FOXN3: variants seen among roughly 807,000 people sequenced by gnomAD.
FOXN3 encodes forkhead box protein N3.
FOXN3 carries 7 observed loss-of-function variants against 38.4 expected under a neutral mutation model. That is an observed-to-expected ratio of 0.18 (90% CI 0.10 to 0.34). FOXN3 has a LOEUF of 0.34. Ranked by LOEUF, FOXN3 falls within the 10% of genes least tolerant of loss-of-function variation. The pLI is 1.00. For synonymous variants in FOXN3, 230 were observed against 242.2 expected (o/e 0.95, Z 0.47); for missense variants, 456 against 613.4 (o/e 0.74, Z 2.71).
At chr14:89,529,051 G>C (rs1472938577) in intron 1 of FOXN3, among the ~76,000 whole-genome samples, 1 of 152,112 alleles carries the variant, frequency 6.6e-6, no homozygotes, top group Non-Finnish European at 1.5e-5. Context: ...GATATGTTAA[G>C]ACATGCTTCC....
intron 2 of FOXN3, among the ~76,000 whole-genome samples, chr14:89,394,248 A>C (rs1596249152): frequency 2.7e-5 from 3 of 111,290 alleles, no homozygotes; most frequent in Non-Finnish European, 5.1e-5. Context: ...ATGGAGTTTC[A>C]CTCTTGTTGC....
chr14:89,211,633 C>T (rs2139831795), intron 4 of FOXN3, among the ~76,000 whole-genome samples: 1 of 152,312 alleles, frequency 6.6e-6, no homozygotes, highest in Non-Finnish European at 1.5e-5. Context: ...GGAAAGGGTC[C>T]ATAGCTTTTA....
intron 1 of FOXN3, among the ~76,000 whole-genome samples, chr14:89,609,309 C>T (rs1449455180): frequency 6.6e-6 from 1 of 152,098 alleles, no homozygotes; most frequent in African/African-American, 2.4e-5. Context: ...TCAAGTAATC[C>T]TCCCACATCA....
chr14:89,186,873 C>T (rs2139803338), intron 4 of FOXN3, among the ~76,000 whole-genome samples: 2 of 152,340 alleles, frequency 1.3e-5, no homozygotes, highest in East Asian at 3.9e-4. Flanking sequence ...CCAAGCAAGA[C>T]ATGGTGTGCT....
At chr14:89,437,869 T>C (rs1892303554) in intron 1 of FOXN3, among the ~76,000 whole-genome samples, 1 of 152,230 alleles carries the variant, frequency 6.6e-6, no homozygotes, top group African/African-American at 2.4e-5. Flanking sequence ...GGGTCAGGAC[T>C]AGAACCCTTT....
rs60304712 is a variant in FOXN3 at position 89,374,290 on chromosome 14, A to AAAAAG, written c.544-23483_544-23482insCTTTT. Reference sequence around the variant, plus strand: ...AAAAAAAAAAAAAAAAAAAAAAAAAAGAAGGAAGGAAAGGAAAAGAAAAAG... The same window carrying AAAAAG: ...AAAAAAAAAAAAAAAAAAAAAAAAAAAAAAGGAAGGAAGGAAAGGAAAAGAAAAAG... On this transcript the variant is annotated intron_variant, in intron 2 of 5. Transcript: ENST00000557258. 7.0e-3 allele frequency among the ~76,000 whole-genome samples: 886 copies of AAAAAG among 126,000 alleles called. 2 individuals carry two copies. Among genetic ancestry groups the AAAAAG allele is most frequent in the Middle Eastern group, 0.014 (3 of 212 alleles). 82.7% of individuals were successfully genotyped at this position (126,000 alleles called of 152,430 possible). A position where few individuals can be genotyped will look rare whatever the true frequency, so the allele number is the denominator to read the frequency against.
chr14:89,463,124 C>T (rs1445812390), intron 1 of FOXN3, among the ~76,000 whole-genome samples: 5 of 151,250 alleles, frequency 3.3e-5, no homozygotes, highest in Admixed American at 2.0e-4. Context: ...CCCGTCTCTA[C>T]TAAAAATACA....
At chr14:89,240,787 T>A (rs986565303) in intron 4 of FOXN3, among the ~76,000 whole-genome samples, 1 of 152,168 alleles carries the variant, frequency 6.6e-6, no homozygotes, top group South Asian at 2.1e-4. Context: ...TTTATTACTA[T>A]TTTTTTAAAC....
chr14:89,184,514 A>G (rs1887753824), intron 4 of FOXN3, among the ~76,000 whole-genome samples: 1 of 152,226 alleles, frequency 6.6e-6, no homozygotes, highest in Non-Finnish European at 1.5e-5. Context: ...CCAAGTTCCT[A>G]CTGGAGACCA....
chr14:89,546,044 C>G (rs1041156691), intron 1 of FOXN3, among the ~76,000 whole-genome samples: 1 of 152,284 alleles, frequency 6.6e-6, no homozygotes, highest in East Asian at 1.9e-4. Flanking sequence ...CTGGAGAACA[C>G]AATGGCATGT....
chr14:89,474,430 T>C (rs1893168122), intron 1 of FOXN3, among the ~76,000 whole-genome samples: 1 of 152,220 alleles, frequency 6.6e-6, no homozygotes, highest in Admixed American at 6.5e-5. Flanking sequence ...TGTAAGTACC[T>C]TGATGTATGT....
intron 5 of FOXN3, among the ~76,000 whole-genome samples, chr14:89,168,248 G>A (rs142378814): frequency 1.4e-3 from 208 of 152,302 alleles, no homozygotes; most frequent in African/African-American, 4.8e-3. Context: ...TTAAATAAAG[G>A]AGGGAATTGA....
chr14:89,360,439 G>T (rs1889430685), intron 2 of FOXN3, among the ~76,000 whole-genome samples: 1 of 150,274 alleles, frequency 6.7e-6, no homozygotes, highest in African/African-American at 2.5e-5. Context: ...AGGAAGGGAG[G>T]AGGGAAAGGA....
chr14:89,606,350 A>G (rs773003134), intron 1 of FOXN3, among the ~76,000 whole-genome samples: 3,685 of 152,302 alleles, frequency 0.024, 55 homozygotes, highest in African/African-American at 0.034. Context: ...TTCTAGTCTT[A>G]TACAGACTAT....
intron 1 of FOXN3, among the ~76,000 whole-genome samples, chr14:89,580,698 A>C (rs1895723304): frequency 6.6e-6 from 1 of 152,172 alleles, no homozygotes; most frequent in African/African-American, 2.4e-5. Flanking sequence ...TTCTAGTGGG[A>C]ATACATTTGC....
chr14:89,396,522 T>A (rs998137596), intron 2 of FOXN3, among the ~76,000 whole-genome samples: 2 of 152,144 alleles, frequency 1.3e-5, no homozygotes, highest in African/African-American at 2.4e-5. Context: ...CAGGTACAGA[T>A]GCTGGACTGG....
chr14:89,192,265 ATATT>A (rs1000843085), intron 4 of FOXN3, among the ~76,000 whole-genome samples: 1 of 146,432 alleles, frequency 6.8e-6, no homozygotes, highest in African/African-American at 2.5e-5. Flanking sequence ...ATAACAGTAT[ATATT>A]AAGTACTTAT....
intron 4 of FOXN3, among the ~76,000 whole-genome samples, chr14:89,205,807 G>A (rs974106479): frequency 1.3e-5 from 2 of 152,232 alleles, no homozygotes; most frequent in African/African-American, 2.4e-5. Context: ...ATGCTGCTGT[G>A]AGGTCAGGGG....
intron 2 of FOXN3, among the ~76,000 whole-genome samples, chr14:89,389,941 CA>C (rs1433810867): frequency 1.7e-4 from 26 of 152,120 alleles, no homozygotes; most frequent in Admixed American, 1.6e-3. Context: ...AAATTCTGGC[CA>C]GGCACAGTGG....
Sources: gnomAD v4.1 joint callset for allele counts (sites outside exome capture counted in the v4.1 genomes callset) on GRCh38, gnomAD v4.1.1 for gene constraint, MANE v1.5 for transcripts, NCBI Gene and HGNC (gene_info 2026-07-23, HGNC 2026-07-21) for gene names.